KCNJ6: variants seen among roughly 807,000 people sequenced by gnomAD.
KCNJ6 encodes G protein-activated inward rectifier potassium channel 2.
A neutral mutation model predicts 34.2 loss-of-function variants in KCNJ6; 9 were observed. That is an observed-to-expected ratio of 0.26 (90% CI 0.16 to 0.46). The LOEUF (loss-of-function observed/expected upper bound fraction) is 0.46, where lower values mean the gene tolerates loss of function less well. Ranked by LOEUF, KCNJ6 falls within the 20% of genes least tolerant of loss-of-function variation. KCNJ6 has a pLI of 1.00. For synonymous variants in KCNJ6, 196 were observed against 207.1 expected (o/e 0.95, Z 0.46); for missense variants, 236 against 531.3 (o/e 0.44, Z 5.46).
intron 1 of KCNJ6, among the ~76,000 whole-genome samples, chr21:37,906,053 AT>A (rs2055840033): frequency 6.6e-6 from 1 of 152,202 alleles, no homozygotes. Context: ...AGCATCTTTT[AT>A]TTAAAGGATA....
Position 37,625,315 on chromosome 21 carries a change from C to T in KCNJ6, c.1116G>A (p.Glu372=). 6.2e-7 allele frequency: 1 copy of T among 1,614,212 alleles called. No individual in the cohort carries two copies. Among genetic ancestry groups the T allele is most frequent in the African/African-American group, 1.3e-5 (1 of 75,054 alleles). Residue 372 remains glutamate (E), a synonymous_variant, in exon 4 of 4, where the codon GAG becomes GAA. Transcript: ENST00000609713. ...GGGGCAGCTCTGCCCTGCTGGCTAA[C>T]TCGGCCAGCTCTTTGGCACTAAGGG... ...TPSLSAKELA[E]LASRAELPLS...
intron 2 of KCNJ6, among the ~76,000 whole-genome samples, chr21:37,786,335 T>C (rs2055192394): frequency 6.6e-6 from 1 of 152,054 alleles, no homozygotes; most frequent in African/African-American, 2.4e-5. Flanking sequence ...GTGACAGAGG[T>C]TGGCACTTGA....
At chr21:37,804,989 C>A (rs973048030) in intron 2 of KCNJ6, among the ~76,000 whole-genome samples, 1 of 152,106 alleles carries the variant, frequency 6.6e-6, no homozygotes, top group Non-Finnish European at 1.5e-5. Context: ...ACCTTGATAA[C>A]ATTATGCTAA....
At position 37,695,267 on chromosome 21, in the gene KCNJ6, C is replaced by A. The variant is rs1308154613; in HGVS notation, c.946+18944G>T. 1.3e-5 allele frequency among the ~76,000 whole-genome samples: 2 copies of A among 152,164 alleles called. No homozygotes were observed. The highest frequency in any genetic ancestry group is 2.9e-5 in the Non-Finnish European group (2 of 68,034). ...GTTACAGAACTTAACAGTGTCCATC[C>A]CATAAAAGGAAATCAATGGCTAAGC... On this transcript the variant is annotated intron_variant, in intron 3 of 3. Transcript: ENST00000609713. The surrounding 1 kb of genome is among the most constrained non-coding windows in gnomAD (Gnocchi z 4.2).
At chr21:37,701,826 G>C (rs2054692622) in intron 3 of KCNJ6, among the ~76,000 whole-genome samples, 2 of 152,180 alleles carry the variant, frequency 1.3e-5, no homozygotes, top group Admixed American at 6.5e-5. Flanking sequence ...CAGACAAGCA[G>C]GCAGGAGCCA....
chr21:37,854,974 G>A (rs2055557365), intron 1 of KCNJ6, among the ~76,000 whole-genome samples: 2 of 152,156 alleles, frequency 1.3e-5, no homozygotes, highest in African/African-American at 4.8e-5. Context: ...AATCGGTAAG[G>A]ATACAGAGAA....
In KCNJ6 at chr21:37,688,143, TA is replaced by T. The variant is rs1569445688; in HGVS notation, c.946+26067del. Among the ~76,000 whole-genome samples the T allele has an allele frequency of 3.9e-5, 6 of 152,156 alleles. No homozygotes were observed. In the East Asian group the frequency reaches 1.2e-3, roughly 29 times the overall value. ...TGTTTCTTCTTCTTTATTTTTCTCT[TA>T]TAAGGATAATTTTAGAGCAAAACTG... On this transcript the variant is annotated intron_variant, in intron 3 of 3. Transcript: ENST00000609713.
intron 2 of KCNJ6, among the ~76,000 whole-genome samples, chr21:37,763,245 G>C (rs955592929): frequency 2.6e-5 from 4 of 152,158 alleles, no homozygotes; most frequent in Admixed American, 2.0e-4. Context: ...CTGCTTGTAG[G>C]GGGGGCCTGC....
At chr21:37,746,156 C>T (rs1202543302) in intron 2 of KCNJ6, among the ~76,000 whole-genome samples, 4 of 152,156 alleles carry the variant, frequency 2.6e-5, no homozygotes, top group Non-Finnish European at 1.5e-5. Context: ...CAAATGCCAT[C>T]ACATGGTGGA....
At chr21:37,759,834 C>T (rs1050601117) in intron 2 of KCNJ6, among the ~76,000 whole-genome samples, 4 of 152,204 alleles carry the variant, frequency 2.6e-5, no homozygotes, top group Non-Finnish European at 5.9e-5. Flanking sequence ...TTAGTGATCC[C>T]GTTCTGCAGA....
At chr21:37,859,074 G>A (rs1394529032) in intron 1 of KCNJ6, among the ~76,000 whole-genome samples, 1 of 151,948 alleles carries the variant, frequency 6.6e-6, no homozygotes, top group African/African-American at 2.4e-5. Context: ...ACAAAGCAAA[G>A]CAAACAAAGA....
chr21:37,635,212 CTTTA>C (rs1237927461), intron 3 of KCNJ6, among the ~76,000 whole-genome samples: 6 of 151,840 alleles, frequency 4.0e-5, no homozygotes, highest in Admixed American at 3.3e-4. Flanking sequence ...TATAATATTA[CTTTA>C]TTTTATTTAT....
chr21:37,705,672 A>T (rs1278437307), intron 3 of KCNJ6, among the ~76,000 whole-genome samples: 1 of 152,200 alleles, frequency 6.6e-6, no homozygotes, highest in Non-Finnish European at 1.5e-5. Context: ...AAGGAATGTG[A>T]TATACTCAAT....
intron 3 of KCNJ6, among the ~76,000 whole-genome samples, chr21:37,710,293 A>G (rs2054744648): frequency 6.6e-6 from 1 of 152,210 alleles, no homozygotes; most frequent in Non-Finnish European, 1.5e-5. Context: ...CTATGTTTTT[A>G]AAAGAATCCT....
intron 2 of KCNJ6, among the ~76,000 whole-genome samples, chr21:37,809,028 T>C (rs1056236043): frequency 6.6e-6 from 1 of 152,228 alleles, no homozygotes; most frequent in Non-Finnish European, 1.5e-5. Context: ...TTACTGGGTA[T>C]ATACCCAAAG....
intron 3 of KCNJ6, among the ~76,000 whole-genome samples, chr21:37,706,505 T>C (rs1040921708): frequency 6.6e-6 from 1 of 152,206 alleles, no homozygotes; most frequent in Non-Finnish European, 1.5e-5. Flanking sequence ...AAGAACGGTG[T>C]GTCCTATGTA....
At chr21:37,874,186 G>A (rs929224830) in intron 1 of KCNJ6, among the ~76,000 whole-genome samples, 1 of 152,186 alleles carries the variant, frequency 6.6e-6, no homozygotes, top group African/African-American at 2.4e-5. Context: ...ATCACTGGGG[G>A]AGGAGGCCTG....
At chr21:37,840,278 TC>T (rs1265644303) in intron 2 of KCNJ6, among the ~76,000 whole-genome samples, 1 of 152,248 alleles carries the variant, frequency 6.6e-6, no homozygotes, top group African/African-American at 2.4e-5. Context: ...TACCATTCTT[TC>T]CTCTCTTTAG....
At chr21:37,657,226 T>C (rs908764511) in intron 3 of KCNJ6, among the ~76,000 whole-genome samples, 3 of 152,048 alleles carry the variant, frequency 2.0e-5, no homozygotes, top group Non-Finnish European at 4.4e-5. Flanking sequence ...GCTAGAGTCA[T>C]GGAAGGGTGG....
Sources: allele counts gnomAD v4.1 joint callset (sites outside exome capture counted in the v4.1 genomes callset), GRCh38; gene constraint gnomAD v4.1.1; non-coding constraint Gnocchi (gnomAD v3.1); transcripts MANE v1.5; gene names NCBI Gene and HGNC (gene_info 2026-07-23, HGNC 2026-07-21).